KLHDC10: variants seen among roughly 807,000 people sequenced by gnomAD.
The protein encoded by KLHDC10 is kelch domain containing 10.
A neutral mutation model predicts 56.1 loss-of-function variants in KLHDC10; 24 were observed. The ratio of observed to expected loss-of-function variants is 0.43; its 90% CI spans 0.31 to 0.60. The LOEUF is 0.60. KLHDC10 is among the 20% of genes least tolerant of loss of function. The pLI, the probability that KLHDC10 is intolerant of heterozygous loss-of-function variation, is 0.11. For synonymous variants in KLHDC10, 188 were observed against 207.1 expected, an observed-to-expected ratio of 0.91 and a Z score of 0.79; for missense variants, 349 against 567.0, an observed-to-expected ratio of 0.62 and a Z score of 3.91.
rs1319896851 is a variant in KLHDC10, at chr7:130,133,689, G to A, written c.*2943G>A. On this transcript the variant is annotated 3_prime_UTR_variant, in exon 10 of 10. Coordinates refer to ENST00000335420, the MANE Select transcript of KLHDC10 (RefSeq NM_014997.4). The stretch of plus-strand genomic sequence containing the variant: ...TTGCATGTCTTACATTTTGTTGCCG[G>A]AGAACAAGGAAGTCCATCTGTAAGG... 2.0e-5 allele frequency: 3 copies of A among 152,074 alleles called. No homozygotes were observed. The highest frequency in any genetic ancestry group is 4.8e-5 in the African/African-American group (2 of 41,412). 9.4% of individuals were successfully genotyped at this position (152,074 alleles called of 1,614,324 possible). A position where few individuals can be genotyped will look rare whatever the true frequency, so the allele number is the denominator to read the frequency against.
At chr7:130,107,500 G>C (rs985072325) in intron 2 of KLHDC10, among the ~76,000 whole-genome samples, 1 of 151,984 alleles carries the variant, frequency 6.6e-6, no homozygotes, top group African/African-American at 2.4e-5. Context: ...AATTTATAAA[G>C]TACTTAGAAA....
chr7:130,120,602 T>C lies in KLHDC10; in HGVS notation c.476-147T>C. The C allele has an allele frequency of 2.6e-6, 2 of 764,774 alleles. No individual in the cohort carries two copies. The highest frequency in any genetic ancestry group is 4.1e-6 in the Non-Finnish European group (2 of 482,474). The allele number at this position is 764,774 out of a possible 1,614,324, so 47.4% of individuals were successfully genotyped here. On this transcript the variant is annotated intron_variant, in intron 3 of 9. Transcript: ENST00000335420. The surrounding 1 kb of genome is among the most constrained non-coding windows in gnomAD (Gnocchi z 5.1). ...CTTCAGATTTTCAGATTTGGCACGC[T>C]CAGCTACTAGTTAGATGTCAGTGGT... is the stretch of plus-strand genomic sequence containing the variant.
At chr7:130,086,141 C>T (rs956608459) in intron 1 of KLHDC10, among the ~76,000 whole-genome samples, 2 of 151,952 alleles carry the variant, frequency 1.3e-5, no homozygotes, top group African/African-American at 4.8e-5. Context: ...GTAAGCAGTC[C>T]TTGTCTTCCT....
intron 2 of KLHDC10, among the ~76,000 whole-genome samples, chr7:130,101,595 A>G (rs1795930154): frequency 6.6e-6 from 1 of 152,152 alleles, no homozygotes; most frequent in African/African-American, 2.4e-5. Context: ...TAGTTCCAGG[A>G]TAAAGCCATG....
In KLHDC10 at chr7:130,130,673, A is replaced by G. The variant is rs960202747; in HGVS notation, c.1256A>G (p.Asn419Ser). The change falls in exon 10 of 10, where the codon AAC (asparagine) becomes AGC (serine). Residue 419 changes from asparagine to serine, a missense_variant. Physicochemically the swap from Asn to Ser is conservative, Grantham distance 46. Around this residue, in one of 2 missense-constraint regions of KLHDC10, gnomAD observed 245 missense variants for 470.1 expected, o/e 0.52. Coordinates refer to ENST00000335420, the MANE Select transcript of KLHDC10 (RefSeq NM_014997.4). This position sits in a 1 kb window ranked among gnomAD's most constrained non-coding sequence, Gnocchi z 4.2. Reference sequence around the variant, plus strand: ...GAGAAGCTGCTTGCGGCCTTCCCTAACCTTGCAAACCTCTCCCGAACACAA... The same window carrying G: ...GAGAAGCTGCTTGCGGCCTTCCCTAGCCTTGCAAACCTCTCCCGAACACAA... ...AWEKLLAAFP[N>S]LANLSRTQLL... The G allele has an allele frequency of 6.2e-7, 1 of 1,614,022 alleles. No homozygotes were observed. The highest frequency in any genetic ancestry group is 8.5e-7 in the Non-Finnish European group (1 of 1,180,034).
At chr7:130,094,300 C>A (rs1010958852) in intron 1 of KLHDC10, among the ~76,000 whole-genome samples, 1 of 152,122 alleles carries the variant, frequency 6.6e-6, no homozygotes, top group Non-Finnish European at 1.5e-5. Context: ...ATTATAAAAT[C>A]ATATATCGTA....
At chr7:130,095,225 T>C (rs116132884) in intron 1 of KLHDC10, among the ~76,000 whole-genome samples, 2,217 of 151,930 alleles carry the variant, frequency 0.015, 45 homozygotes, top group African/African-American at 0.05. Context: ...TATATACTTA[T>C]ATTTATCCAT....
At chr7:130,107,271 A>G (rs1796021071) in intron 2 of KLHDC10, among the ~76,000 whole-genome samples, 1 of 152,236 alleles carries the variant, frequency 6.6e-6, no homozygotes, top group South Asian at 2.1e-4. Flanking sequence ...CAGGAAAAAG[A>G]AAAAAGAAGT....
chr7:130,119,357 C>G (rs1209257179), intron 3 of KLHDC10, among the ~76,000 whole-genome samples: 1 of 150,448 alleles, frequency 6.6e-6, no homozygotes, highest in Non-Finnish European at 1.5e-5. Context: ...CAAAAAAATA[C>G]AAAAGTTAGC....
intron 6 of KLHDC10, 23 bp downstream of exon 6, chr7:130,124,558 A>C: frequency 1.6e-6 from 2 of 1,236,670 alleles, no homozygotes; most frequent in Non-Finnish European, 2.4e-6. Context: ...AAAAAGAAAA[A>C]AAGGGAGAGG....
chr7:130,106,442 AAG>A (rs1384907546), intron 2 of KLHDC10, among the ~76,000 whole-genome samples: 1 of 152,230 alleles, frequency 6.6e-6, no homozygotes, highest in Non-Finnish European at 1.5e-5. Flanking sequence ...TAAAGCGAGA[AAG>A]AGCGGTAAAT....
intron 3 of KLHDC10, among the ~76,000 whole-genome samples, chr7:130,117,936 G>T (rs549803070): frequency 6.6e-6 from 1 of 151,472 alleles, no homozygotes; most frequent in Non-Finnish European, 1.5e-5. Flanking sequence ...AGGCTGAGGC[G>T]GGCGGATCAT....
At chr7:130,094,539 A>G (rs1795823636) in intron 1 of KLHDC10, among the ~76,000 whole-genome samples, 1 of 152,220 alleles carries the variant, frequency 6.6e-6, no homozygotes, top group African/African-American at 2.4e-5. Flanking sequence ...AGAACCATCC[A>G]AAGATAACTA....
intron 1 of KLHDC10, among the ~76,000 whole-genome samples, chr7:130,073,358 C>CA (rs1044099136): frequency 1.0e-4 from 15 of 148,344 alleles, no homozygotes; most frequent in African/African-American, 1.5e-4. Flanking sequence ...TGCAGTGGCA[C>CA]AGTCTTGGCT....
Position 130,075,953 on chromosome 7 carries a change from G to C in KLHDC10, c.166+5144G>C, listed in dbSNP as rs951980382. On this transcript the variant is annotated intron_variant, in intron 1 of 9. Transcript: ENST00000335420. ...TATTTTTTGTTCATTTTTCTATTGG[G>C]ATGGTTCATATTGTTTATAAAGGCG... Among the ~76,000 whole-genome samples, 65 of 151,968 alleles carry C rather than the reference G, an allele frequency of 4.3e-4. 1 individual carries two copies. The highest frequency in any genetic ancestry group is 7.4e-5 in the Non-Finnish European group (5 of 68,014).
intron 2 of KLHDC10, among the ~76,000 whole-genome samples, chr7:130,114,905 A>C (rs1280244332): frequency 6.6e-6 from 1 of 152,052 alleles, no homozygotes; most frequent in Non-Finnish European, 1.5e-5. Context: ...TGACAGTAGG[A>C]CAAGGTTAGT....
chr7:130,100,181 A>G (rs1051269498), intron 2 of KLHDC10, among the ~76,000 whole-genome samples: 11 of 152,136 alleles, frequency 7.2e-5, no homozygotes, highest in Non-Finnish European at 1.2e-4. Flanking sequence ...GATTTTAGGC[A>G]AAGGATAATA....
intron 2 of KLHDC10, among the ~76,000 whole-genome samples, chr7:130,107,786 G>A (rs1435638851): frequency 7.1e-6 from 1 of 141,588 alleles, no homozygotes; most frequent in African/African-American, 2.6e-5. Context: ...AGAGGTTGCA[G>A]TGAGCCAAGA....
At chr7:130,078,644 G>A (rs903850198) in intron 1 of KLHDC10, among the ~76,000 whole-genome samples, 3 of 151,398 alleles carry the variant, frequency 2.0e-5, no homozygotes, top group Non-Finnish European at 2.9e-5. Flanking sequence ...TCAGCCTCCC[G>A]ACTAGCTGAG....
Sources: gnomAD v4.1 joint callset for allele counts (sites outside exome capture counted in the v4.1 genomes callset) on GRCh38, gnomAD v4.1.1 for gene constraint, gnomAD v4.1.1 regional missense constraint, Gnocchi (gnomAD v3.1) non-coding constraint, MANE v1.5 for transcripts, NCBI Gene and HGNC (gene_info 2026-07-23, HGNC 2026-07-21) for gene names.